Variants in ABCC1 observed in about 807,000 individuals in gnomAD.
ABCC1 encodes the protein multidrug resistance-associated protein 1.
A neutral mutation model predicts 172.9 loss-of-function variants in ABCC1; 83 were observed. That is an observed-to-expected ratio of 0.48 (90% CI 0.40 to 0.58). ABCC1 has a LOEUF of 0.58. Ranked by LOEUF, ABCC1 falls within the 20% of genes least tolerant of loss-of-function variation. The probability of loss-of-function intolerance (pLI) is 0.00; values close to 1 mark genes in which losing one functional copy is unlikely to be tolerated. For synonymous variants in ABCC1, 937 were observed against 825.2 expected, an observed-to-expected ratio of 1.14 and a Z score of -2.32; for missense variants, 1,817 against 2,002.7, an observed-to-expected ratio of 0.91 and a Z score of 1.77.
intron 18 of ABCC1, 90 bp from the exon 19 acceptor site, chr16:16,090,315 C>G: frequency 1.5e-6 from 2 of 1,364,212 alleles, no homozygotes; most frequent in Non-Finnish European, 1.9e-6. Context: ...AGGTGTTCGT[C>G]GGCTCATTCC....
At chr16:16,109,032 C>G (rs758847668) in intron 21 of ABCC1, among the ~76,000 whole-genome samples, 3 of 152,176 alleles carry the variant, frequency 2.0e-5, no homozygotes, top group Non-Finnish European at 2.9e-5. Flanking sequence ...TAAACACATT[C>G]TTAATTATGA....
At chr16:16,107,918 C>T (rs982227764) in intron 21 of ABCC1, among the ~76,000 whole-genome samples, 5 of 151,424 alleles carry the variant, frequency 3.3e-5, no homozygotes, top group African/African-American at 7.3e-5. Context: ...AGGTGGTAGC[C>T]GGGGAGTGGG....
intron 3 of ABCC1, among the ~76,000 whole-genome samples, chr16:16,010,831 G>C (rs2047748772): frequency 6.6e-6 from 1 of 152,188 alleles, no homozygotes; most frequent in African/African-American, 2.4e-5. Flanking sequence ...CTAATGTGCA[G>C]CCGAGTCAGG....
intron 1 of ABCC1, among the ~76,000 whole-genome samples, chr16:15,966,651 CTTTTT>C (rs34159339): frequency 7.2e-6 from 1 of 138,654 alleles, no homozygotes; most frequent in Non-Finnish European, 1.5e-5. Flanking sequence ...TTCTCTCTCT[CTTTTT>C]TTTTTTTTTT....
chr16:15,972,749 A>G (rs1438919444), intron 1 of ABCC1, among the ~76,000 whole-genome samples: 1 of 151,490 alleles, frequency 6.6e-6, no homozygotes, highest in Non-Finnish European at 1.5e-5. Flanking sequence ...CTTTTGAGTA[A>G]GCCAGCCAAT....
Position 16,115,113 on chromosome 16 carries a change from ACTGT to A in ABCC1, c.3390+38_3390+41del, listed in dbSNP as rs1394834365. ...GGTCTTAGTGTTCGGGACAAGCCCT[ACTGT>A]GCATTATATACCAGTGTTACCTAAA... is the stretch of plus-strand genomic sequence containing the variant. On this transcript the variant is annotated intron_variant, in intron 23 of 30. Coordinates refer to ENST00000399410, the MANE Select transcript of ABCC1 (RefSeq NM_004996.4). 1.0e-5 allele frequency: 16 copies of A among 1,593,928 alleles called. No individual in the cohort carries two copies. The East Asian group carries it at 3.1e-4, about 31-fold the overall frequency.
At chr16:16,124,315 C>CTGTGTGTGTG (rs11270322) in intron 24 of ABCC1, among the ~76,000 whole-genome samples, 19 of 36,828 alleles carry the variant, frequency 5.2e-4, no homozygotes, top group Admixed American at 2.5e-3. Context: ...TGTTAATGCA[C>CTGTGTGTGTG]TGTGTGTGTG....
At chr16:16,087,053 G>C in intron 18 of ABCC1, 62 bp downstream of exon 18, 1 of 1,580,870 alleles carries the variant, frequency 6.3e-7, no homozygotes, top group Non-Finnish European at 8.6e-7. Context: ...AAGTCAGAAC[G>C]TGTCCCCTTT....
At chr16:16,027,831 T>C (rs2048427410) in intron 5 of ABCC1, among the ~76,000 whole-genome samples, 2 of 152,120 alleles carry the variant, frequency 1.3e-5, no homozygotes, top group South Asian at 4.1e-4. Context: ...ATTTAAGGTG[T>C]ACAGTTTTAT....
At chr16:16,093,951 T>G (rs1215586281) in intron 19 of ABCC1, among the ~76,000 whole-genome samples, 1 of 150,564 alleles carries the variant, frequency 6.6e-6, no homozygotes, top group Non-Finnish European at 1.5e-5. Context: ...AAGAAATATA[T>G]CTTTTTTACT....
At chr16:16,121,637 C>T (rs562483648) in intron 23 of ABCC1, among the ~76,000 whole-genome samples, 178 of 152,296 alleles carry the variant, frequency 1.2e-3, no homozygotes, top group African/African-American at 4.0e-3. Context: ...GATTAACTAG[C>T]TTCTTTGTGC....
At position 16,014,558 on chromosome 16, in the gene ABCC1, C is replaced by T; in HGVS notation, c.419C>T (p.Thr140Ile). The change falls in exon 4 of 31, where the codon ACT (threonine) becomes ATT (isoleucine). Residue 140 changes from threonine to isoleucine, a missense_variant. This residue lies in a region of ABCC1 where 398 missense variants were observed against 384.2 expected (regional missense o/e 1.04). Coordinates refer to ENST00000399410, the MANE Select transcript of ABCC1 (RefSeq NM_004996.4). ...GTTCAGTCTTCAGGGATCATGCTCA[C>T]TTTCTGGCTGGTAGCCCTAGTGTGT... ...KGVQSSGIML[T>I]FWLVALVCAL... is the part of the protein sequence containing the mutation. The T allele has an allele frequency of 6.2e-7, 1 of 1,614,170 alleles. No individual in the cohort carries two copies. Among genetic ancestry groups the T allele is most frequent in the Non-Finnish European group, 8.5e-7 (1 of 1,180,032 alleles).
chr16:16,124,331 GT>G (rs2045312809), intron 24 of ABCC1, among the ~76,000 whole-genome samples: 1 of 93,758 alleles, frequency 1.1e-5, no homozygotes. Flanking sequence ...GTGTGTGTGT[GT>G]GTGTGTGTGT....
At chr16:16,092,872 C>A (rs1189833039) in intron 19 of ABCC1, among the ~76,000 whole-genome samples, 5 of 152,236 alleles carry the variant, frequency 3.3e-5, no homozygotes, top group Non-Finnish European at 5.9e-5. Flanking sequence ...ACCTGTAGTC[C>A]CGGCTATTCG....
intron 5 of ABCC1, among the ~76,000 whole-genome samples, chr16:16,027,059 G>A (rs1469810741): frequency 2.6e-5 from 4 of 152,132 alleles, no homozygotes; most frequent in Non-Finnish European, 5.9e-5. Flanking sequence ...TTGTTAAGCT[G>A]GATATGGGCT....
At chr16:15,981,492 C>T (rs1352892556) in intron 1 of ABCC1, among the ~76,000 whole-genome samples, 1 of 152,218 alleles carries the variant, frequency 6.6e-6, no homozygotes, top group Non-Finnish European at 1.5e-5. Context: ...CATGGAATCT[C>T]CTAAGGCTTT....
intron 13 of ABCC1, 73 bp from the exon 14 acceptor site, chr16:16,071,569 A>G: frequency 7.6e-7 from 1 of 1,308,594 alleles, no homozygotes; most frequent in South Asian, 1.3e-5. Flanking sequence ...GAAACCCTTG[A>G]AAGTTAACCT....
chr16:16,028,704 T>C (rs2048459291), intron 5 of ABCC1, among the ~76,000 whole-genome samples: 1 of 151,874 alleles, frequency 6.6e-6, no homozygotes, highest in South Asian at 2.1e-4. Flanking sequence ...CACAGTCCCA[T>C]GGGCCTCATG....
chr16:16,083,122 C>T (rs1431649588), intron 16 of ABCC1, among the ~76,000 whole-genome samples: 1 of 152,198 alleles, frequency 6.6e-6, no homozygotes, highest in African/African-American at 2.4e-5. Flanking sequence ...GTAATCTTAT[C>T]AACGAGGATA....
Sources: allele counts gnomAD v4.1 joint callset (sites outside exome capture counted in the v4.1 genomes callset), GRCh38; gene constraint gnomAD v4.1.1; regional missense constraint gnomAD v4.1.1; transcripts MANE v1.5; gene names NCBI Gene and HGNC (gene_info 2026-07-23, HGNC 2026-07-21).